Variants in LACTB observed in about 807,000 individuals in gnomAD.
LACTB encodes serine beta-lactamase-like protein LACTB, mitochondrial.
In LACTB, 35 loss-of-function variants were observed where a neutral mutation model predicts 50.2. That is an observed-to-expected ratio of 0.70 (90% CI 0.53 to 0.92). LACTB has a LOEUF of 0.92. Among genes scored for constraint, LACTB ranks in the 40% least tolerant of loss-of-function variants. LACTB has a pLI of 0.00. For synonymous variants in LACTB, 252 were observed against 268.2 expected (o/e 0.94, Z 0.59); for missense variants, 664 against 691.8 (o/e 0.96, Z 0.45).
intron 4 of LACTB, among the ~76,000 whole-genome samples, chr15:63,128,547 G>A (rs2037085711): frequency 6.6e-6 from 1 of 152,144 alleles, no homozygotes; most frequent in Non-Finnish European, 1.5e-5. Context: ...GTTGTAGTGG[G>A]TTGTGATCAT....
At position 63,141,478 on chromosome 15, in the gene LACTB, A is replaced by T; in HGVS notation, c.1317A>T (p.Thr439=). The change falls in exon 6 of 6, where the codon ACA becomes ACT. Residue 439 remains threonine, a synonymous_variant. Coordinates refer to ENST00000261893, the MANE Select transcript of LACTB (RefSeq NM_032857.5). Reference sequence around the variant, plus strand: ...TACCTGGATACCTCAAACCAGAAACAATGGTTATGATGTGGACCCCAGTCC... The same window carrying T: ...TACCTGGATACCTCAAACCAGAAACTATGGTTATGATGTGGACCCCAGTCC... ...NLLPGYLKPE[T]MVMMWTPVPN... is the part of the protein sequence containing the mutation. 1 of 1,614,190 alleles carries T rather than the reference A, an allele frequency of 6.2e-7. No homozygotes were observed. Among genetic ancestry groups the T allele is most frequent in the Non-Finnish European group, 8.5e-7 (1 of 1,180,006 alleles).
intron 2 of LACTB, among the ~76,000 whole-genome samples, chr15:63,123,993 GA>G (rs1210576253): frequency 1.3e-5 from 2 of 152,202 alleles, no homozygotes; most frequent in African/African-American, 4.8e-5. Flanking sequence ...AACTCCCCCG[GA>G]GAAAAGGAGA....
chr15:63,122,586 G>C, intron 1 of LACTB, 50 bp from the exon 2 acceptor site: 1 of 1,438,850 alleles, frequency 6.9e-7, no homozygotes, highest in Non-Finnish European at 9.8e-7. Context: ...GAGAGCGCTG[G>C]GCTTTTTCAG....
Position 63,129,483 on chromosome 15 carries a change from A to C in LACTB, c.953-2A>C, listed in dbSNP as rs1272184443. On this transcript the variant is annotated splice_acceptor_variant, in intron 4 of 5. Coordinates refer to ENST00000261893, the MANE Select transcript of LACTB (RefSeq NM_032857.5). LOFTEE classifies it high-confidence loss of function. Reference sequence around the variant, plus strand: ...TTTTCCTCCTCGCAATGATGTCTCAAGGTAGTCAGTTTTTGTATTCAACTT... The same window carrying C: ...TTTTCCTCCTCGCAATGATGTCTCACGGTAGTCAGTTTTTGTATTCAACTT... 2 of 1,579,440 alleles carry C rather than the reference A, an allele frequency of 1.3e-6. No homozygotes were observed. Among genetic ancestry groups the C allele is most frequent in the Non-Finnish European group, 1.7e-6 (2 of 1,165,578 alleles).
rs201218495 is a variant in LACTB, at chr15:63,122,653, G to A, written c.375G>A (p.Pro125=). ...LHRIKDEVGA[P]GIVVGVSVDG... ...GGTCTTAGGATGAGGTGGGCGCACCGGGCATAGTGGTTGGAGTTTCTGTAG... is the reference window on the plus strand; with the variant it reads ...GGTCTTAGGATGAGGTGGGCGCACCAGGCATAGTGGTTGGAGTTTCTGTAG... The change falls in exon 2 of 6, where the codon CCG becomes CCA. Residue 125 remains proline (P), a synonymous_variant. Coordinates refer to ENST00000261893, the MANE Select transcript of LACTB (RefSeq NM_032857.5). 4 of 1,613,764 alleles carry A rather than the reference G, an allele frequency of 2.5e-6. No individual in the cohort carries two copies. In the African/African-American group the frequency reaches 4.0e-5, roughly 16 times the overall value.
chr15:63,122,318 G>A, intron 1 of LACTB, 90 bp downstream of exon 1: 5 of 1,147,212 alleles, frequency 4.4e-6, no homozygotes, highest in Non-Finnish European at 6.0e-6. Flanking sequence ...CACCCGGGGC[G>A]GCGGGGTGCC....
chr15:63,136,276 A>G (rs1361892162), intron 5 of LACTB, among the ~76,000 whole-genome samples: 1 of 152,050 alleles, frequency 6.6e-6, no homozygotes, highest in Non-Finnish European at 1.5e-5. Context: ...ACCTCAAATG[A>G]TCCTCCCTCC....
Position 63,122,176 on chromosome 15 carries a change from G to C in LACTB, c.305G>C (p.Arg102Thr). 1 of 1,531,172 alleles carries C rather than the reference G, an allele frequency of 6.5e-7. No homozygotes were observed. Among genetic ancestry groups the C allele is most frequent in the Non-Finnish European group, 8.7e-7 (1 of 1,147,226 alleles). The allele number at this position is 1,531,172 out of a possible 1,614,324, so 94.8% of individuals were successfully genotyped here. The change falls in exon 1 of 6, where the codon AGG (arginine) becomes ACG (threonine). Residue 102 changes from arginine (R) to threonine (T), a missense_variant. Coordinates refer to ENST00000261893, the MANE Select transcript of LACTB (RefSeq NM_032857.5). The stretch of plus-strand genomic sequence containing the variant: ...CAGACCCCGGCGCCGCCCTGCTCCA[G>C]GTGCTTCGCCAGAGCCATCGAGAGC... ...SPQTPAPPCS[R>T]CFARAIESSR... is the part of the protein sequence containing the mutation.
At position 63,141,873 on chromosome 15, in the gene LACTB, C is replaced by A; in HGVS notation, c.*68C>A. On this transcript the variant is annotated 3_prime_UTR_variant, in exon 6 of 6. Coordinates refer to ENST00000261893, the MANE Select transcript of LACTB (RefSeq NM_032857.5). ...TTTTTGAAACATTAAAGTTCCAAAA[C>A]ATGACATTTTTAAGAATAAATTTGA... 7.6e-7 allele frequency: 1 copy of A among 1,316,436 alleles called. No individual in the cohort carries two copies. Among genetic ancestry groups the A allele is most frequent in the Non-Finnish European group, 1.0e-6 (1 of 959,738 alleles). 81.5% of individuals were successfully genotyped at this position (1,316,436 alleles called of 1,614,324 possible). A position where few individuals can be genotyped will look rare whatever the true frequency, so the allele number is the denominator to read the frequency against.
intron 4 of LACTB, among the ~76,000 whole-genome samples, chr15:63,128,484 C>G (rs1595715196): frequency 1.3e-5 from 2 of 152,130 alleles, no homozygotes; most frequent in East Asian, 3.9e-4. Context: ...TGTAAGTAGT[C>G]CTAGCTACTC....
chr15:63,141,317 A>G lies in LACTB; in HGVS notation c.1156A>G (p.Thr386Ala). ...VYNKKKRLVN[T>A]PYVDNSYKWA... The stretch of plus-strand genomic sequence containing the variant: ...CAATAAAAAGAAACGTCTTGTCAAC[A>G]CACCTTACGTGGATAACTCCTATAA... The change falls in exon 6 of 6, where the codon ACA (threonine) becomes GCA (alanine). Residue 386 changes from threonine to alanine, a missense_variant. Thr to Ala is a moderately conservative substitution (Grantham distance 58, BLOSUM62 0). Coordinates refer to ENST00000261893, the MANE Select transcript of LACTB (RefSeq NM_032857.5). 1 of 1,611,030 alleles carries G rather than the reference A, an allele frequency of 6.2e-7. No homozygotes were observed. Among genetic ancestry groups the G allele is most frequent in the South Asian group, 1.1e-5 (1 of 90,812 alleles).
chr15:63,141,532 G>A lies in LACTB; in HGVS notation c.1371G>A (p.Glu457=). Residue 457 remains glutamate, a synonymous_variant, in exon 6 of 6, where the codon GAG becomes GAA. Transcript: ENST00000261893. ...ACACAGAGATGTCTTGGGATAAAGA[G>A]GGTAAATATGCAATGGCGTGGGGTG... The part of the protein sequence containing the change: ...VPNTEMSWDK[E]GKYAMAWGVV... 1 of 1,614,222 alleles carries A rather than the reference G, an allele frequency of 6.2e-7. No individual in the cohort carries two copies.
intron 2 of LACTB, among the ~76,000 whole-genome samples, chr15:63,125,117 T>C (rs1323529100): frequency 6.6e-6 from 1 of 152,030 alleles, no homozygotes; most frequent in African/African-American, 2.4e-5. Context: ...GACCAGAAGT[T>C]TGAGACCAGC....
At chr15:63,135,237 A>G (rs1376563352) in intron 5 of LACTB, among the ~76,000 whole-genome samples, 2 of 152,256 alleles carry the variant, frequency 1.3e-5, no homozygotes, top group African/African-American at 2.4e-5. Flanking sequence ...CTTCTGTTGT[A>G]TTTAAATTAT....
rs751240045 is a variant in LACTB at position 63,127,370 on chromosome 15, A to T, written c.633A>T (p.Arg211Ser). 6.4e-7 allele frequency: 1 copy of T among 1,569,556 alleles called. No homozygotes were observed. Among genetic ancestry groups the T allele is most frequent in the Admixed American group, 2.1e-5 (1 of 48,344 alleles). The change falls in exon 4 of 6, where the codon AGA becomes AGT. Residue 211 changes from arginine to serine, a missense_variant. By Grantham distance (110) the Arg-to-Ser change is moderately radical. Coordinates refer to ENST00000261893, the MANE Select transcript of LACTB (RefSeq NM_032857.5). ...ACAATTAGGTTTCTGTCACAACAAG[A>T]TTACTGATTTCCCATTTAAGTGGAA... is the stretch of plus-strand genomic sequence containing the variant. ...YEGEKVSVTT[R>S]LLISHLSGIR...
intron 3 of LACTB, 141 bp downstream of exon 3, chr15:63,127,190 T>G: frequency 1.1e-6 from 1 of 913,660 alleles, no homozygotes; most frequent in East Asian, 2.7e-5. Context: ...CAGATGATAA[T>G]CAGGTAGGTA....
intron 4 of LACTB, among the ~76,000 whole-genome samples, chr15:63,128,120 C>T (rs1306673840): frequency 6.6e-6 from 1 of 152,102 alleles, no homozygotes; most frequent in Non-Finnish European, 1.5e-5. Flanking sequence ...CTGCTCTATA[C>T]AAATAATTAT....
At chr15:63,123,901 C>T (rs922899609) in intron 2 of LACTB, among the ~76,000 whole-genome samples, 4 of 152,288 alleles carry the variant, frequency 2.6e-5, no homozygotes, top group East Asian at 3.9e-4. Flanking sequence ...CACAGGGAGA[C>T]GGTTAGGCCT....
intron 5 of LACTB, among the ~76,000 whole-genome samples, chr15:63,136,039 T>G (rs900358578): frequency 3.3e-5 from 4 of 120,954 alleles, no homozygotes; most frequent in Admixed American, 2.1e-4. Context: ...TTCATTTTCT[T>G]TTCTTTTTTT....
Sources: allele counts gnomAD v4.1 joint callset (sites outside exome capture counted in the v4.1 genomes callset), GRCh38; gene constraint gnomAD v4.1.1; transcripts MANE v1.5; gene names NCBI Gene and HGNC (gene_info 2026-07-23, HGNC 2026-07-21).